SYT2: variants seen among roughly 807,000 people sequenced by gnomAD.
The protein encoded by SYT2 is synaptotagmin-2.
SYT2 carries 15 observed loss-of-function variants against 39.9 expected under a neutral mutation model. The ratio of observed to expected loss-of-function variants is 0.38; its 90% CI spans 0.25 to 0.58. The LOEUF is 0.58. Ranked by LOEUF, SYT2 falls within the 20% of genes least tolerant of loss-of-function variation. The pLI, the probability that SYT2 is intolerant of heterozygous loss-of-function variation, is 0.70. For synonymous variants in SYT2, 181 were observed against 204.5 expected, an observed-to-expected ratio of 0.89 and a Z score of 0.98; for missense variants, 389 against 530.3, an observed-to-expected ratio of 0.73 and a Z score of 2.62.
At chr1:202,621,025 T>C (rs1691189870) in intron 1 of SYT2, among the ~76,000 whole-genome samples, 1 of 152,124 alleles carries the variant, frequency 6.6e-6, no homozygotes. Flanking sequence ...AGGGGAGAAG[T>C]ATATGTATGC....
intron 1 of SYT2, chr1:202,633,010 T>C (rs1691639158): frequency 6.6e-6 from 1 of 152,168 alleles, no homozygotes; most frequent in Non-Finnish European, 1.5e-5. Context: ...GTAAGGAATA[T>C]GGACTAAAGG....
chr1:202,637,657 G>A (rs1691776771), intron 1 of SYT2, among the ~76,000 whole-genome samples: 1 of 152,246 alleles, frequency 6.6e-6, no homozygotes, highest in Non-Finnish European at 1.5e-5. Context: ...CTCTCCTGCC[G>A]GCTGCTCATA....
chr1:202,609,865 T>G (rs1338147395), intron 1 of SYT2, among the ~76,000 whole-genome samples: 1 of 152,242 alleles, frequency 6.6e-6, no homozygotes, highest in East Asian at 1.9e-4. Flanking sequence ...TAGTGTCTTT[T>G]GCTCTGCAGA....
chr1:202,684,898 T>C (rs1305691853), intron 1 of SYT2, among the ~76,000 whole-genome samples: 1 of 152,180 alleles, frequency 6.6e-6, no homozygotes, highest in Non-Finnish European at 1.5e-5. Context: ...CTCTGGCACC[T>C]GATGCCCTCC....
chr1:202,651,809 C>G (rs1346280168), intron 1 of SYT2, among the ~76,000 whole-genome samples: 1 of 152,170 alleles, frequency 6.6e-6, no homozygotes, highest in African/African-American at 2.4e-5. Flanking sequence ...GCCTGTAATC[C>G]CAGCACCTTG....
chr1:202,596,997 A>C (rs1382451942), intron 8 of SYT2, 34 bp from the exon 9 acceptor site: 1 of 1,594,730 alleles, frequency 6.3e-7, no homozygotes, highest in South Asian at 1.1e-5. Context: ...GTTGGCAGAC[A>C]GAGACGTGGG....
Position 202,603,100 on chromosome 1 carries a change from T to C in SYT2, c.364A>G (p.Thr122Ala), listed in dbSNP as rs1474490120. Residue 122 changes from threonine to alanine, a missense_variant, in exon 4 of 9, where the codon ACA becomes GCA. Transcript: ENST00000367268. The stretch of plus-strand genomic sequence containing the variant: ...TCACCTTCCCCCTCAGTCAGGCCTG[T>C]CTCTGCGTCGTCGTCATCCTGTGGG... ...KGGQDDDDAE[T>A]GLTEGEGEGE... 12 of 1,613,944 alleles carry C rather than the reference T, an allele frequency of 7.4e-6. No individual in the cohort carries two copies. Among genetic ancestry groups the C allele is most frequent in the Middle Eastern group, 1.6e-4 (1 of 6,062 alleles).
intron 1 of SYT2, among the ~76,000 whole-genome samples, chr1:202,638,873 A>G (rs1029753940): frequency 6.6e-6 from 1 of 152,088 alleles, no homozygotes; most frequent in Non-Finnish European, 1.5e-5. Flanking sequence ...GGGGCTGGCT[A>G]TTGTCTCCCT....
rs1019553794 is a variant in SYT2 at position 202,601,378 on chromosome 1, A to G, written c.801+512T>C. ...GGTAGCAGGGCCCTGGCCAAGACAAATGATTGATGCCCAGAAGGAAGAATG... is the reference window on the plus strand; with the variant it reads ...GGTAGCAGGGCCCTGGCCAAGACAAGTGATTGATGCCCAGAAGGAAGAATG... On this transcript the variant is annotated intron_variant, in intron 6 of 8. Coordinates refer to ENST00000367268, the MANE Select transcript of SYT2 (RefSeq NM_177402.5). This position sits in a 1 kb window ranked among gnomAD's most constrained non-coding sequence, Gnocchi z 4.0. Among the ~76,000 whole-genome samples the G allele has an allele frequency of 6.6e-6, 1 of 152,220 alleles. No individual in the cohort carries two copies. The highest frequency in any genetic ancestry group is 2.4e-5 in the African/African-American group (1 of 41,462).
chr1:202,705,357 C>G (rs965025263), intron 1 of SYT2, among the ~76,000 whole-genome samples: 1 of 152,242 alleles, frequency 6.6e-6, no homozygotes, highest in Non-Finnish European at 1.5e-5. Context: ...GAGCAGGAGG[C>G]GCAGGGAGGA....
chr1:202,628,323 G>A lies in SYT2; in HGVS notation c.-17-22534C>T, dbSNP rs1314751338. On this transcript the variant is annotated intron_variant, in intron 1 of 8. Coordinates refer to ENST00000367268, the MANE Select transcript of SYT2 (RefSeq NM_177402.5). This position sits in a 1 kb window ranked among gnomAD's most constrained non-coding sequence, Gnocchi z 4.2. Reference sequence around the variant, plus strand: ...CGCTTTGGGCCACACCAGGACCTGGGAGAGGTCATGAGATGTCTGGGGAGC... The same window carrying A: ...CGCTTTGGGCCACACCAGGACCTGGAAGAGGTCATGAGATGTCTGGGGAGC... 6.6e-6 allele frequency among the ~76,000 whole-genome samples: 1 copy of A among 152,116 alleles called. No individual in the cohort carries two copies. The highest frequency in any genetic ancestry group is 1.9e-4 in the East Asian group (1 of 5,192).
intron 1 of SYT2, among the ~76,000 whole-genome samples, chr1:202,691,763 G>GAGAC (rs1653840153): frequency 7.2e-6 from 1 of 138,270 alleles, no homozygotes; most frequent in Admixed American, 7.2e-5. Flanking sequence ...GAGAGAGAGA[G>GAGAC]AGAGAGAGAG....
intron 1 of SYT2, among the ~76,000 whole-genome samples, chr1:202,651,876 G>T (rs1253829773): frequency 6.6e-6 from 1 of 152,186 alleles, no homozygotes; most frequent in Admixed American, 6.5e-5. Context: ...CTGCAAACAT[G>T]GTGAAGCCCC....
At chr1:202,619,761 A>G (rs928237829) in intron 1 of SYT2, among the ~76,000 whole-genome samples, 5 of 152,228 alleles carry the variant, frequency 3.3e-5, no homozygotes, top group African/African-American at 1.2e-4. Flanking sequence ...AATAAGCCTC[A>G]AAGGCACTGC....
chr1:202,688,297 T>C (rs1350468155), intron 1 of SYT2, among the ~76,000 whole-genome samples: 3 of 152,200 alleles, frequency 2.0e-5, no homozygotes, highest in African/African-American at 7.2e-5. Flanking sequence ...AATGAGAGGA[T>C]ATGGGGAAAG....
At position 202,602,632 on chromosome 1, in the gene SYT2, C is replaced by T. The variant is rs139916736; in HGVS notation, c.466-87G>A. 24 of 1,369,602 alleles carry T rather than the reference C, an allele frequency of 1.8e-5. No homozygotes were observed. The African/African-American group carries it at 2.2e-4, about 12-fold the overall frequency. The allele number at this position is 1,369,602 out of a possible 1,614,324, so 84.8% of individuals were successfully genotyped here. A position where few individuals can be genotyped will look rare whatever the true frequency, so the allele number is the denominator to read the frequency against. On this transcript the variant is annotated intron_variant, in intron 4 of 8. Coordinates refer to ENST00000367268, the MANE Select transcript of SYT2 (RefSeq NM_177402.5). ...CCCCAGACCCAGCACCCACCAATTC[C>T]GTCCCAGAGGAGGCAGTTGGGGCAG... is the stretch of plus-strand genomic sequence containing the variant.
At position 202,598,523 on chromosome 1, in the gene SYT2, C is replaced by A. The variant is rs113529792; in HGVS notation, c.1053+695G>T. On this transcript the variant is annotated intron_variant, in intron 8 of 8. Transcript: ENST00000367268. Reference sequence around the variant, plus strand: ...TGTACCCTTGCCCCCAGCCCTCCTGCGGGGAGGAGAGGGGGTGGGATCAGC... The same window carrying A: ...TGTACCCTTGCCCCCAGCCCTCCTGAGGGGAGGAGAGGGGGTGGGATCAGC... 5.1e-3 allele frequency among the ~76,000 whole-genome samples: 765 copies of A among 150,950 alleles called. 8 individuals are homozygous for A. Among genetic ancestry groups the A allele is most frequent in the African/African-American group, 0.018 (730 of 41,184 alleles).
At chr1:202,654,208 C>T (rs1177168300) in intron 1 of SYT2, among the ~76,000 whole-genome samples, 1 of 152,250 alleles carries the variant, frequency 6.6e-6, no homozygotes, top group Non-Finnish European at 1.5e-5. Flanking sequence ...GGCCCCATTG[C>T]TTTAGCTGCT....
chr1:202,617,998 G>A (rs761170119), intron 1 of SYT2, among the ~76,000 whole-genome samples: 2 of 152,134 alleles, frequency 1.3e-5, no homozygotes, highest in African/African-American at 4.8e-5. Context: ...TGCCTCCCAG[G>A]TTCAAGCAAT....
Sources: allele counts gnomAD v4.1 joint callset (sites outside exome capture counted in the v4.1 genomes callset), GRCh38; gene constraint gnomAD v4.1.1; non-coding constraint Gnocchi (gnomAD v3.1); transcripts MANE v1.5; gene names NCBI Gene and HGNC (gene_info 2026-07-23, HGNC 2026-07-21).